The following TBC1D22A variants were observed in gnomAD, a reference collection of about 807,000 sequenced individuals.
TBC1D22A encodes the protein putative GTPase activator.
Under a neutral mutation model 60.2 loss-of-function variants are expected in TBC1D22A, and 38 were observed. The ratio of observed to expected loss-of-function variants is 0.63; its 90% CI spans 0.49 to 0.83. The LOEUF is 0.83. Among genes scored for constraint, TBC1D22A ranks in the 40% least tolerant of loss-of-function variants. The pLI is 0.00. For synonymous variants in TBC1D22A, 302 were observed against 281.7 expected, an observed-to-expected ratio of 1.07 and a Z score of -0.72; for missense variants, 628 against 701.0, an observed-to-expected ratio of 0.90 and a Z score of 1.18.
At chr22:46,992,784 T>G (rs2074993822) in intron 9 of TBC1D22A, among the ~76,000 whole-genome samples, 1 of 152,208 alleles carries the variant, frequency 6.6e-6, no homozygotes, top group Non-Finnish European at 1.5e-5. Flanking sequence ...AGCTCTGTCC[T>G]TGCGTGGTCA....
chr22:47,071,608 C>T (rs1000551165), intron 11 of TBC1D22A, among the ~76,000 whole-genome samples: 5 of 152,204 alleles, frequency 3.3e-5, no homozygotes, highest in Non-Finnish European at 7.3e-5. Context: ...AAGGATCCAG[C>T]CCTGCTACTT....
At chr22:46,874,474 G>C (rs969937783) in intron 4 of TBC1D22A, among the ~76,000 whole-genome samples, 2 of 150,000 alleles carry the variant, frequency 1.3e-5, no homozygotes, top group Admixed American at 1.3e-4. Context: ...GATATGAGAT[G>C]GTATCTCATT....
At chr22:46,807,396 T>G (rs1283428598) in intron 4 of TBC1D22A, among the ~76,000 whole-genome samples, 1 of 152,210 alleles carries the variant, frequency 6.6e-6, no homozygotes, top group African/African-American at 2.4e-5. Flanking sequence ...TGAGGACTTC[T>G]GTCCTGTCTG....
chr22:47,042,456 T>C (rs944300937), intron 11 of TBC1D22A, among the ~76,000 whole-genome samples: 2 of 151,872 alleles, frequency 1.3e-5, no homozygotes, highest in Non-Finnish European at 2.9e-5. Flanking sequence ...TATGAATGAA[T>C]GAGAATGAAG....
intron 4 of TBC1D22A, among the ~76,000 whole-genome samples, chr22:46,840,433 C>T (rs1366248667): frequency 6.6e-6 from 1 of 152,130 alleles, no homozygotes; most frequent in Non-Finnish European, 1.5e-5. Flanking sequence ...GCTAGTATGG[C>T]TCTTACCAAA....
chr22:47,034,567 C>T (rs1226950443), intron 10 of TBC1D22A, among the ~76,000 whole-genome samples: 1 of 152,226 alleles, frequency 6.6e-6, no homozygotes, highest in Non-Finnish European at 1.5e-5. Context: ...CCCACTGCAC[C>T]CTGGCATCAG....
At chr22:47,017,545 G>A (rs566606127) in intron 10 of TBC1D22A, among the ~76,000 whole-genome samples, 2 of 152,296 alleles carry the variant, frequency 1.3e-5, no homozygotes, top group South Asian at 2.1e-4. Context: ...ACACACATGC[G>A]CTCTGCCCTC....
chr22:47,123,806 G>A (rs149672303), intron 12 of TBC1D22A, among the ~76,000 whole-genome samples: 4 of 152,334 alleles, frequency 2.6e-5, no homozygotes, highest in South Asian at 2.1e-4. Flanking sequence ...CTTTGTGTGC[G>A]GGTTGCTGCA....
Position 46,920,057 on chromosome 22 carries a change from T to A in TBC1D22A, c.1015+7869T>A, listed in dbSNP as rs79289839. On this transcript the variant is annotated intron_variant, in intron 8 of 12. Transcript: ENST00000337137. ...GAGTGTTAGGTATATATGTGTTTGTTTGTATGTATGTATGTATGTATGTAT... is the reference window on the plus strand; with the variant it reads ...GAGTGTTAGGTATATATGTGTTTGTATGTATGTATGTATGTATGTATGTAT... 4.1e-3 allele frequency among the ~76,000 whole-genome samples: 245 copies of A among 59,238 alleles called. 1 individual carries two copies. Among genetic ancestry groups the A allele is most frequent in the African/African-American group, 7.4e-3 (190 of 25,668 alleles). 38.9% of individuals were successfully genotyped at this position (59,238 alleles called of 152,430 possible).
Position 46,793,855 on chromosome 22 carries a change from A to G in TBC1D22A, c.460+14A>G, listed in dbSNP as rs777764090. 2.6e-6 allele frequency: 4 copies of G among 1,534,914 alleles called. No individual in the cohort carries two copies. The highest frequency in any genetic ancestry group is 3.5e-6 in the Non-Finnish European group (4 of 1,143,994). On this transcript the variant is annotated intron_variant, in intron 3 of 12. Transcript: ENST00000337137. Reference sequence around the variant, plus strand: ...CCTGTCCTGCAGGTACGATGGGAGGACTGAAGAGATGGTCTGGGTTTCTGG... The same window carrying G: ...CCTGTCCTGCAGGTACGATGGGAGGGCTGAAGAGATGGTCTGGGTTTCTGG...
At chr22:46,958,132 C>A (rs1367791765) in intron 8 of TBC1D22A, among the ~76,000 whole-genome samples, 1 of 152,038 alleles carries the variant, frequency 6.6e-6, no homozygotes, top group Non-Finnish European at 1.5e-5. Flanking sequence ...CATCAGGGAG[C>A]CCTGAGGGCT....
At chr22:47,167,271 C>T (rs1289471937) in intron 12 of TBC1D22A, among the ~76,000 whole-genome samples, 1 of 152,244 alleles carries the variant, frequency 6.6e-6, no homozygotes, top group African/African-American at 2.4e-5. Flanking sequence ...CCTGGCTCAT[C>T]GTGGGCACCA....
chr22:47,041,584 A>ATACCCAC (rs2062845416), intron 11 of TBC1D22A, among the ~76,000 whole-genome samples: 2 of 152,210 alleles, frequency 1.3e-5, no homozygotes, highest in African/African-American at 4.8e-5. Context: ...ATTTCACGGA[A>ATACCCAC]GCCCTGGTGG....
At chr22:47,172,028 A>AGT (rs1164829204) in intron 12 of TBC1D22A, among the ~76,000 whole-genome samples, 1 of 81,134 alleles carries the variant, frequency 1.2e-5, no homozygotes, top group Non-Finnish European at 2.6e-5. Flanking sequence ...CAGCACTCCC[A>AGT]GTGAGCCTAC....
At chr22:47,095,427 TA>T (rs1288714259) in intron 11 of TBC1D22A, among the ~76,000 whole-genome samples, 3 of 152,260 alleles carry the variant, frequency 2.0e-5, no homozygotes, top group African/African-American at 7.2e-5. Context: ...TTCTCCATTA[TA>T]AAAAATAGAA....
At chr22:46,928,244 T>C (rs1410060077) in intron 8 of TBC1D22A, among the ~76,000 whole-genome samples, 1 of 151,832 alleles carries the variant, frequency 6.6e-6, no homozygotes, top group African/African-American at 2.4e-5. Flanking sequence ...ATCAGTGGAG[T>C]AGAATTGAGA....
At chr22:46,894,091 TC>T (rs2147622981) in intron 6 of TBC1D22A, among the ~76,000 whole-genome samples, 1 of 152,274 alleles carries the variant, frequency 6.6e-6, no homozygotes, top group Non-Finnish European at 1.5e-5. Context: ...CTTCCCTCAG[TC>T]CATTGGTGCC....
At chr22:46,919,871 T>C (rs1327979408) in intron 8 of TBC1D22A, among the ~76,000 whole-genome samples, 2 of 151,972 alleles carry the variant, frequency 1.3e-5, no homozygotes, top group African/African-American at 4.8e-5. Flanking sequence ...GAGGAATAAA[T>C]TCCCCGGTGC....
At chr22:46,980,253 G>A (rs2074461941) in intron 9 of TBC1D22A, among the ~76,000 whole-genome samples, 1 of 152,214 alleles carries the variant, frequency 6.6e-6, no homozygotes, top group Non-Finnish European at 1.5e-5. Context: ...TGTGATACTG[G>A]CTCACTGCAA....
Sources: gnomAD v4.1 joint callset for allele counts (sites outside exome capture counted in the v4.1 genomes callset) on GRCh38, gnomAD v4.1.1 for gene constraint, MANE v1.5 for transcripts, NCBI Gene and HGNC (gene_info 2026-07-23, HGNC 2026-07-21) for gene names.